The following ANKRD31 variants were observed in gnomAD, a reference collection of about 807,000 sequenced individuals.
ANKRD31 encodes ankyrin repeat domain-containing protein 31.
Under a neutral mutation model 186.0 loss-of-function variants are expected in ANKRD31, and 147 were observed. The observed-to-expected ratio is 0.79, with a 90% CI of 0.69 to 0.91. The LOEUF (loss-of-function observed/expected upper bound fraction) is 0.91. Ranked by LOEUF, ANKRD31 falls within the 40% of genes least tolerant of loss-of-function variation. ANKRD31 has a pLI of 0.00. For missense variants in ANKRD31, 1,986 were observed against 2,148.8 expected, an observed-to-expected ratio of 0.92 and a Z score of 1.50; for synonymous variants, 673 against 736.4, an observed-to-expected ratio of 0.91 and a Z score of 1.39.
intron 11 of ANKRD31, among the ~76,000 whole-genome samples, chr5:75,165,921 T>A (rs1047109102): frequency 6.6e-6 from 1 of 152,228 alleles, no homozygotes; most frequent in Non-Finnish European, 1.5e-5. Flanking sequence ...ATATTTTAGA[T>A]AACCTCAGAA....
chr5:75,175,693 C>A (rs2150204294), intron 10 of ANKRD31, among the ~76,000 whole-genome samples: 1 of 151,288 alleles, frequency 6.6e-6, no homozygotes, highest in South Asian at 2.1e-4. Context: ...ACACACACCC[C>A]TGAACTCTAA....
chr5:75,206,523 G>A (rs966880648), intron 4 of ANKRD31, 36 bp from the exon 5 acceptor site: 3 of 1,239,512 alleles, frequency 2.4e-6, no homozygotes, highest in Admixed American at 3.3e-5. Context: ...ATTTTAAAAT[G>A]GAAGAAAAAA....
chr5:75,068,657 G>A lies in ANKRD31; in HGVS notation c.5655C>T (p.Ser1885=). 1 of 1,491,834 alleles carries A rather than the reference G, an allele frequency of 6.7e-7. No individual in the cohort carries two copies. Among genetic ancestry groups the A allele is most frequent in the Non-Finnish European group, 8.9e-7 (1 of 1,128,328 alleles). 92.4% of individuals were successfully genotyped at this position (1,491,834 alleles called of 1,614,324 possible). The change falls in exon 26 of 26, where the codon TCC becomes TCT. Residue 1885 remains serine (S), a synonymous_variant. Coordinates refer to ENST00000506364, the MANE Select transcript of ANKRD31 (RefSeq NM_001372053.1). The stretch of plus-strand genomic sequence containing the variant: ...GTGGGCTGCTTTGCATTGACTCTCT[G>A]GAAGTTCCTGTTTAAAGAAGTATCA... ...FEKTKFGQGT[S]RESMQSSPRY...
At chr5:75,172,407 T>C (rs1580477649) in intron 10 of ANKRD31, among the ~76,000 whole-genome samples, 1 of 148,514 alleles carries the variant, frequency 6.7e-6, no homozygotes, top group Non-Finnish European at 1.5e-5. Flanking sequence ...GGCTCCTTGA[T>C]AGAGACACAA....
chr5:75,179,953 T>G (rs1754154469), intron 10 of ANKRD31, among the ~76,000 whole-genome samples: 1 of 152,090 alleles, frequency 6.6e-6, no homozygotes, highest in East Asian at 1.9e-4. Flanking sequence ...GTCCCTGTTT[T>G]CAGATGACAT....
At chr5:75,081,330 G>T (rs61380367) in intron 24 of ANKRD31, among the ~76,000 whole-genome samples, 1 of 151,804 alleles carries the variant, frequency 6.6e-6, no homozygotes, top group Non-Finnish European at 1.5e-5. Flanking sequence ...GTCCAATGGC[G>T]CAGTAACATA....
chr5:75,226,265 G>C (rs1168329955), intron 2 of ANKRD31, among the ~76,000 whole-genome samples: 3 of 152,210 alleles, frequency 2.0e-5, no homozygotes, highest in Non-Finnish European at 4.4e-5. Flanking sequence ...ACACAAGCCT[G>C]GCTGGTTTTG....
chr5:75,168,954 T>G (rs1252397938), intron 11 of ANKRD31, 25 bp downstream of exon 11: 2 of 1,510,664 alleles, frequency 1.3e-6, no homozygotes, highest in South Asian at 1.2e-5. Context: ...TAGTATTTGT[T>G]CTGCAAATAA....
chr5:75,144,323 A>G (rs1362382829), intron 14 of ANKRD31, among the ~76,000 whole-genome samples, 152 bp from the exon 15 acceptor site: 2 of 152,138 alleles, frequency 1.3e-5, no homozygotes, highest in Non-Finnish European at 2.9e-5. Context: ...GTAACAGACA[A>G]AAAGTTTGCT....
intron 5 of ANKRD31, among the ~76,000 whole-genome samples, chr5:75,203,880 A>C (rs1755984558): frequency 6.6e-6 from 1 of 152,284 alleles, no homozygotes; most frequent in South Asian, 2.1e-4. Flanking sequence ...TCTTGTAAAA[A>C]GTGCTAAATA....
chr5:75,234,918 T>C (rs866921512), intron 1 of ANKRD31, among the ~76,000 whole-genome samples: 53 of 152,270 alleles, frequency 3.5e-4, no homozygotes, highest in African/African-American at 1.1e-3. Flanking sequence ...AACTATTTTC[T>C]ACATACATCC....
chr5:75,235,969 C>G (rs752944114), intron 1 of ANKRD31, among the ~76,000 whole-genome samples: 17 of 152,194 alleles, frequency 1.1e-4, no homozygotes, highest in Non-Finnish European at 2.1e-4. Flanking sequence ...TGACCTAATT[C>G]TGTGTACGAT....
At chr5:75,155,817 G>A (rs1752128971) in intron 11 of ANKRD31, among the ~76,000 whole-genome samples, 1 of 151,938 alleles carries the variant, frequency 6.6e-6, no homozygotes, top group Non-Finnish European at 1.5e-5. Context: ...TCTTACCTTT[G>A]ATATTATCTA....
intron 1 of ANKRD31, among the ~76,000 whole-genome samples, chr5:75,232,420 G>C (rs1314989305): frequency 6.6e-6 from 1 of 152,018 alleles, no homozygotes; most frequent in East Asian, 1.9e-4. Flanking sequence ...CCTGCCATCA[G>C]GCCCAGCTAA....
At chr5:75,118,414 A>C (rs1049462910) in intron 17 of ANKRD31, 117 bp from the exon 18 acceptor site, 6 of 1,027,388 alleles carry the variant, frequency 5.8e-6, no homozygotes, top group Non-Finnish European at 5.3e-6. Flanking sequence ...TTTCAAACTC[A>C]GGTCAAGAAA....
chr5:75,162,681 T>C (rs1322077982), intron 11 of ANKRD31, among the ~76,000 whole-genome samples: 1 of 152,178 alleles, frequency 6.6e-6, no homozygotes, highest in Non-Finnish European at 1.5e-5. Flanking sequence ...ACTCCCATAA[T>C]TCCCATGTGC....
intron 2 of ANKRD31, among the ~76,000 whole-genome samples, chr5:75,229,315 G>C (rs1757807820): frequency 6.6e-6 from 1 of 152,100 alleles, no homozygotes; most frequent in African/African-American, 2.4e-5. Flanking sequence ...TTATTAAAAA[G>C]TATTATTTAC....
chr5:75,114,625 A>G (rs1025619790), intron 19 of ANKRD31, among the ~76,000 whole-genome samples: 7 of 152,172 alleles, frequency 4.6e-5, no homozygotes, highest in Admixed American at 2.0e-4. Flanking sequence ...AGACAAACAG[A>G]GAGCCAAATC....
intron 24 of ANKRD31, among the ~76,000 whole-genome samples, chr5:75,081,396 A>C (rs1745067482): frequency 6.6e-6 from 1 of 152,236 alleles, no homozygotes; most frequent in Non-Finnish European, 1.5e-5. Flanking sequence ...AAAATAAATA[A>C]ATAACAGGAA....
Sources: gnomAD v4.1 joint callset for allele counts (sites outside exome capture counted in the v4.1 genomes callset) on GRCh38, gnomAD v4.1.1 for gene constraint, MANE v1.5 for transcripts, NCBI Gene and HGNC (gene_info 2026-07-23, HGNC 2026-07-21) for gene names.